The following SDK1 variants were observed in gnomAD, a reference collection of about 807,000 sequenced individuals.
SDK1 encodes the protein protein sidekick-1.
In SDK1, 157 loss-of-function variants were observed where a neutral mutation model predicts 245.5. The observed-to-expected ratio is 0.64, with a 90% CI of 0.56 to 0.73. The LOEUF is 0.73. Among genes scored for constraint, SDK1 ranks in the 30% least tolerant of loss-of-function variants. The pLI, the probability that SDK1 is intolerant of heterozygous loss-of-function variation, is 0.00. For synonymous variants in SDK1, 1,647 were observed against 1,278.5 expected (o/e 1.29, Z -6.15); for missense variants, 3,583 against 3,002.3 (o/e 1.19, Z -4.52).
chr7:3,907,710 G>A (rs367986967), intron 5 of SDK1, among the ~76,000 whole-genome samples: 6 of 152,188 alleles, frequency 3.9e-5, no homozygotes, highest in African/African-American at 7.2e-5. Flanking sequence ...AATCACAAAG[G>A]TGTAGCACCG....
intron 1 of SDK1, 79 bp from the exon 2 acceptor site, chr7:3,619,001 T>A: frequency 8.6e-7 from 1 of 1,166,222 alleles, no homozygotes; most frequent in Non-Finnish European, 1.2e-6. Context: ...TTTGTTTAAA[T>A]AATAGATTTA....
chr7:3,491,780 G>C (rs530500932), intron 1 of SDK1, among the ~76,000 whole-genome samples: 2 of 152,026 alleles, frequency 1.3e-5, no homozygotes, highest in South Asian at 4.2e-4. Context: ...AAATTTCGTT[G>C]GCAAGACAAA....
chr7:4,174,484 A>T, intron 33 of SDK1, 127 bp downstream of exon 33: 1 of 1,081,934 alleles, frequency 9.2e-7, no homozygotes, highest in South Asian at 1.5e-5. Context: ...CCCTGCCCTC[A>T]GGAACAGGGA....
intron 5 of SDK1, among the ~76,000 whole-genome samples, chr7:3,861,793 A>G (rs1780698401): frequency 6.6e-6 from 1 of 152,198 alleles, no homozygotes; most frequent in African/African-American, 2.4e-5. Context: ...TCTCCCGTCA[A>G]TGTGAACCTA....
chr7:3,488,903 C>G (rs942454459), intron 1 of SDK1, among the ~76,000 whole-genome samples: 4 of 134,646 alleles, frequency 3.0e-5, no homozygotes, highest in Non-Finnish European at 6.4e-5. Flanking sequence ...ATTCCTCCCT[C>G]CGTGTGTGTG....
At chr7:3,734,724 G>C (rs1562404846) in intron 4 of SDK1, among the ~76,000 whole-genome samples, 1 of 152,230 alleles carries the variant, frequency 6.6e-6, no homozygotes, top group Admixed American at 6.5e-5. Flanking sequence ...TCTGTAATGA[G>C]TGCCGCTCAA....
At chr7:4,176,360 G>C (rs914781655) in intron 34 of SDK1, among the ~76,000 whole-genome samples, 1 of 151,816 alleles carries the variant, frequency 6.6e-6, no homozygotes, top group Admixed American at 6.6e-5. Context: ...TAAGAGACGG[G>C]TTCTTGCTAT....
At chr7:3,594,147 C>T (rs1387659952) in intron 1 of SDK1, among the ~76,000 whole-genome samples, 1 of 152,188 alleles carries the variant, frequency 6.6e-6, no homozygotes, top group Non-Finnish European at 1.5e-5. Context: ...CAGGTAATCA[C>T]TCACCTACTT....
chr7:4,174,132 G>A (rs1782023818), intron 32 of SDK1, 90 bp from the exon 33 acceptor site: 1 of 1,410,020 alleles, frequency 7.1e-7, no homozygotes, highest in African/African-American at 1.4e-5. Flanking sequence ...TGTGCAGCTG[G>A]CTAGTTAAAC....
intron 1 of SDK1, among the ~76,000 whole-genome samples, chr7:3,313,525 A>G (rs183891265): frequency 1.1e-3 from 171 of 152,352 alleles, no homozygotes; most frequent in African/African-American, 3.7e-3. Flanking sequence ...TACAGATTGT[A>G]AAGTGCTAAA....
chr7:3,859,684 C>G (rs1308739410), intron 5 of SDK1, among the ~76,000 whole-genome samples: 1 of 152,130 alleles, frequency 6.6e-6, no homozygotes, highest in Non-Finnish European at 1.5e-5. Flanking sequence ...CATTACCATC[C>G]CCAGGGGACA....
At chr7:3,962,267 CT>C (rs1781759478) in intron 8 of SDK1, among the ~76,000 whole-genome samples, 1 of 152,254 alleles carries the variant, frequency 6.6e-6, no homozygotes, top group Non-Finnish European at 1.5e-5. Context: ...TCCTCTGCCC[CT>C]ATGACCCTGT....
intron 1 of SDK1, among the ~76,000 whole-genome samples, chr7:3,326,307 T>C (rs530190467): frequency 6.6e-6 from 1 of 152,306 alleles, no homozygotes; most frequent in African/African-American, 2.4e-5. Flanking sequence ...TCAAATTATA[T>C]GCTGTTTTGT....
chr7:4,248,842 C>G (rs1787099343), intron 44 of SDK1, among the ~76,000 whole-genome samples: 1 of 152,244 alleles, frequency 6.6e-6, no homozygotes, highest in South Asian at 2.1e-4. Flanking sequence ...ATACTACATG[C>G]ATGTACGCAT....
chr7:3,352,971 G>C (rs1780699678), intron 1 of SDK1, among the ~76,000 whole-genome samples: 1 of 152,146 alleles, frequency 6.6e-6, no homozygotes, highest in African/African-American at 2.4e-5. Flanking sequence ...GTTGTAGTTA[G>C]GGTCTGTCTT....
chr7:4,148,893 T>C (rs987634531), intron 29 of SDK1, among the ~76,000 whole-genome samples: 3 of 152,100 alleles, frequency 2.0e-5, no homozygotes, highest in Non-Finnish European at 4.4e-5. Context: ...CTGTCTCTAC[T>C]AAAAATACAA....
intron 1 of SDK1, among the ~76,000 whole-genome samples, chr7:3,401,191 C>G (rs1263815079): frequency 6.6e-6 from 1 of 152,096 alleles, no homozygotes; most frequent in Non-Finnish European, 1.5e-5. Flanking sequence ...TGATGTCAGC[C>G]ACTTACACGA....
intron 1 of SDK1, among the ~76,000 whole-genome samples, chr7:3,516,523 A>C (rs929480702): frequency 6.6e-6 from 1 of 152,180 alleles, no homozygotes; most frequent in African/African-American, 2.4e-5. Context: ...TTATTATGAA[A>C]TCTTTTATGA....
At chr7:3,780,614 T>A (rs1004596439) in intron 4 of SDK1, among the ~76,000 whole-genome samples, 1 of 152,116 alleles carries the variant, frequency 6.6e-6, no homozygotes, top group Non-Finnish European at 1.5e-5. Flanking sequence ...CCAACAAGCC[T>A]GCACAGGCAG....
Sources: gnomAD v4.1 joint callset for allele counts (sites outside exome capture counted in the v4.1 genomes callset) on GRCh38, gnomAD v4.1.1 for gene constraint, MANE v1.5 for transcripts, NCBI Gene and HGNC (gene_info 2026-07-23, HGNC 2026-07-21) for gene names.